Variants in PARP16 observed in about 807,000 individuals in gnomAD.
PARP16 encodes the protein protein mono-ADP-ribosyltransferase PARP16.
Under a neutral mutation model 35.0 loss-of-function variants are expected in PARP16, and 31 were observed. That is an observed-to-expected ratio of 0.88 (90% CI 0.66 to 1.19). The LOEUF (loss-of-function observed/expected upper bound fraction) is 1.19, where lower values mean the gene tolerates loss of function less well. Among genes scored for constraint, PARP16 ranks in the 50% most tolerant of loss-of-function variants. The probability of loss-of-function intolerance (pLI) is 0.00; values close to 1 mark genes in which losing one functional copy is unlikely to be tolerated. For missense variants in PARP16, 424 were observed against 411.2 expected (o/e 1.03, Z -0.27); for synonymous variants, 162 against 169.5 (o/e 0.96, Z 0.34).
At chr15:65,266,125 C>T (rs1050397389) in intron 3 of PARP16, among the ~76,000 whole-genome samples, 1 of 152,076 alleles carries the variant, frequency 6.6e-6, no homozygotes, top group Non-Finnish European at 1.5e-5. Context: ...GATGGGGTTT[C>T]ACCACGTTGG....
intron 1 of PARP16, among the ~76,000 whole-genome samples, chr15:65,281,953 A>C (rs2090433498): frequency 6.6e-6 from 1 of 152,196 alleles, no homozygotes. Context: ...CAAAGATTTA[A>C]ATGACTGAAA....
At chr15:65,261,824 G>A (rs540903604) in intron 4 of PARP16, among the ~76,000 whole-genome samples, 57 of 152,116 alleles carry the variant, frequency 3.7e-4, no homozygotes, top group African/African-American at 1.3e-3. Context: ...TCCACCCTTC[G>A]TACCAAGACT....
chr15:65,256,508 T>C (rs1208775337), downstream of PARP16, among the ~76,000 whole-genome samples: 3 of 149,212 alleles, frequency 2.0e-5, no homozygotes, highest in Non-Finnish European at 4.4e-5. Context: ...CCTGGTTTCA[T>C]GCCATTCTCC....
chr15:65,264,222 C>G (rs1223621495), intron 3 of PARP16, among the ~76,000 whole-genome samples: 1 of 152,176 alleles, frequency 6.6e-6, no homozygotes, highest in Non-Finnish European at 1.5e-5. Flanking sequence ...GCATAGTGAA[C>G]ACATCTTTGC....
chr15:65,270,791 A>C (rs992699705), intron 2 of PARP16, 144 bp downstream of exon 2: 2 of 744,964 alleles, frequency 2.7e-6, no homozygotes, highest in African/African-American at 3.5e-5. Flanking sequence ...AGAACTAGAA[A>C]GTCTAAAGGT....
chr15:65,249,208 T>A (rs1206641514), intron 2 of PARP16, among the ~76,000 whole-genome samples: 1 of 152,226 alleles, frequency 6.6e-6, no homozygotes, highest in African/African-American at 2.4e-5. Flanking sequence ...CTAGTCCTGC[T>A]TCTGTCTCAA....
chr15:65,263,421 A>C, intron 3 of PARP16, 101 bp from the exon 4 acceptor site: 1 of 923,804 alleles, frequency 1.1e-6, no homozygotes, highest in Non-Finnish European at 1.6e-6. Context: ...TAAACACAAA[A>C]TGTACAACCC....
chr15:65,241,156 G>A (rs1239160614), intron 3 of PARP16, among the ~76,000 whole-genome samples: 1 of 107,270 alleles, frequency 9.3e-6, no homozygotes, highest in Non-Finnish European at 1.9e-5. Flanking sequence ...TTTTTTTTTT[G>A]AGATGGAGTC....
chr15:65,280,351 C>T (rs1350761872), intron 1 of PARP16, among the ~76,000 whole-genome samples: 8 of 150,554 alleles, frequency 5.3e-5, no homozygotes, highest in Non-Finnish European at 8.8e-5. Context: ...GTAGGAGGAT[C>T]GCTTGAGCCC....
chr15:65,237,029 A>G (rs1333983611), intron 3 of PARP16, among the ~76,000 whole-genome samples: 1 of 152,070 alleles, frequency 6.6e-6, no homozygotes, highest in Non-Finnish European at 1.5e-5. Context: ...TTGAAGGGTC[A>G]CATACTGGAG....
rs527936675 is a variant in PARP16, at chr15:65,237,302, C to T, written c.*98-2479G>A. Among the ~76,000 whole-genome samples the T allele has an allele frequency of 2.0e-5, 3 of 152,310 alleles. No homozygotes were observed. The East Asian group carries it at 5.8e-4, about 29-fold the overall frequency. ...CAGGAAGTCCTGCCATTTTGCATCA[C>T]TCGGTGAGTCACCCCTTATTTGTCA... is the stretch of plus-strand genomic sequence containing the variant. On this transcript the variant is annotated intron_variant and NMD_transcript_variant, in intron 3 of 3. Transcript: ENST00000559805.
chr15:65,273,668 C>T (rs1286874437), intron 1 of PARP16, among the ~76,000 whole-genome samples: 5 of 151,970 alleles, frequency 3.3e-5, no homozygotes, highest in African/African-American at 9.6e-5. Flanking sequence ...CACCTGAGGT[C>T]GGGAGTTTGA....
intron 1 of PARP16, among the ~76,000 whole-genome samples, chr15:65,281,142 G>A (rs2090412531): frequency 6.6e-6 from 1 of 152,112 alleles, no homozygotes; most frequent in South Asian, 2.1e-4. Flanking sequence ...ATGCTATTTC[G>A]GGAGGGAAAA....
chr15:65,282,174 T>A (rs2090439453), intron 1 of PARP16, among the ~76,000 whole-genome samples: 1 of 152,082 alleles, frequency 6.6e-6, no homozygotes, highest in African/African-American at 2.4e-5. Context: ...CCACACAGGC[T>A]AATTTTTTGT....
chr15:65,259,755 CAA>C (rs1426880935), intron 5 of PARP16, among the ~76,000 whole-genome samples: 1 of 152,196 alleles, frequency 6.6e-6, no homozygotes, highest in Non-Finnish European at 1.5e-5. Flanking sequence ...TCTAAATGCG[CAA>C]AGACAGCTAT....
downstream of PARP16, among the ~76,000 whole-genome samples, chr15:65,231,648 A>G (rs1234083061): frequency 1.3e-5 from 2 of 152,036 alleles, no homozygotes; most frequent in Admixed American, 6.6e-5. Context: ...GAGTTTCACC[A>G]CGTTGGCCAG....
chr15:65,274,462 G>A (rs2090189259), intron 1 of PARP16, among the ~76,000 whole-genome samples: 1 of 150,178 alleles, frequency 6.7e-6, no homozygotes, highest in Non-Finnish European at 1.5e-5. Context: ...CTGTAGTCCC[G>A]GCTACTTGGG....
At chr15:65,249,254 A>C (rs1340075696) in intron 2 of PARP16, among the ~76,000 whole-genome samples, 2 of 152,216 alleles carry the variant, frequency 1.3e-5, no homozygotes, top group Non-Finnish European at 2.9e-5. Flanking sequence ...AAAATGAGCC[A>C]TTTGAGTGTG....
At chr15:65,274,117 T>C (rs2090177115) in intron 1 of PARP16, among the ~76,000 whole-genome samples, 1 of 151,952 alleles carries the variant, frequency 6.6e-6, no homozygotes, top group Non-Finnish European at 1.5e-5. Context: ...TAATTTTTTT[T>C]ATTTTTAGTA....
Sources: allele counts gnomAD v4.1 joint callset (sites outside exome capture counted in the v4.1 genomes callset), GRCh38; gene constraint gnomAD v4.1.1; transcripts MANE v1.5; gene names NCBI Gene and HGNC (gene_info 2026-07-23, HGNC 2026-07-21).